LRRFIP1: variants seen among roughly 807,000 people sequenced by gnomAD.
LRRFIP1 encodes the protein LRR binding FLII interacting protein 1, also known as leucine-rich repeat flightless-interacting protein 1.
LRRFIP1 carries 62 observed loss-of-function variants against 104.4 expected under a neutral mutation model. That is an observed-to-expected ratio of 0.59 (90% CI 0.48 to 0.73). The LOEUF (loss-of-function observed/expected upper bound fraction) is 0.73. LRRFIP1 is among the 30% of genes least tolerant of loss of function. LRRFIP1 has a pLI of 0.00. For synonymous variants in LRRFIP1, 300 were observed against 299.0 expected, an observed-to-expected ratio of 1.00 and a Z score of -0.03; for missense variants, 796 against 824.5, an observed-to-expected ratio of 0.97 and a Z score of 0.42.
intron 8 of LRRFIP1, among the ~76,000 whole-genome samples, chr2:237,728,670 T>G (rs1285177785): frequency 6.6e-6 from 1 of 152,158 alleles, no homozygotes; most frequent in Non-Finnish European, 1.5e-5. Context: ...AAATTTCCTG[T>G]TCTCATGCTT....
intron 1 of LRRFIP1, among the ~76,000 whole-genome samples, chr2:237,658,553 G>A (rs1026290522): frequency 6.6e-6 from 1 of 152,160 alleles, no homozygotes; most frequent in Non-Finnish European, 1.5e-5. Context: ...CCCAAGACTG[G>A]GTAATTTATA....
In LRRFIP1 at chr2:237,748,106, C is replaced by T. The variant is rs573502632; in HGVS notation, c.634-258C>T. ...TAGTTCCACAGCCCGCTGTGGGTCC[C>T]ACTGAGACTCCTACCTGAGGACAGG... On this transcript the variant is annotated intron_variant, in intron 11 of 23. Transcript: ENST00000308482. 3.3e-5 allele frequency among the ~76,000 whole-genome samples: 5 copies of T among 152,300 alleles called. No homozygotes were observed. The South Asian group carries it at 1.0e-3, about 32-fold the overall frequency.
At chr2:237,769,029 G>T (rs1361098856) in intron 19 of LRRFIP1, 4 of 152,240 alleles carry the variant, frequency 2.6e-5, no homozygotes, top group African/African-American at 7.2e-5. Context: ...CTTGCTTAGT[G>T]GTTCTGGGCC....
At chr2:237,690,778 C>T (rs2092705974) in intron 1 of LRRFIP1, among the ~76,000 whole-genome samples, 1 of 151,556 alleles carries the variant, frequency 6.6e-6, no homozygotes, top group African/African-American at 2.4e-5. Context: ...GTTATAACAA[C>T]ATTTAAATAA....
rs1231347782 is a variant in LRRFIP1 at position 237,685,104 on chromosome 2, ACCCTCC to A, written c.97-23436_97-23431del. Among the ~76,000 whole-genome samples, 68 of 17,412 alleles carry A rather than the reference ACCCTCC, an allele frequency of 3.9e-3. 2 individuals carry two copies. The highest frequency in any genetic ancestry group is 0.012 in the African/African-American group (65 of 5,206). The allele number at this position is 17,412 out of a possible 152,430, so 11.4% of individuals were successfully genotyped here. A position where few individuals can be genotyped will look rare whatever the true frequency, so the allele number is the denominator to read the frequency against. On this transcript the variant is annotated intron_variant, in intron 1 of 23. Coordinates refer to ENST00000308482, the MANE Select transcript of LRRFIP1 (RefSeq NM_001137550.2). ...CAACAGTGTGAGACCTTGTCTCCCT[ACCCTCC>A]CCCCCCCACACAAAAAAACCCCAAA...
At chr2:237,709,528 G>A (rs969345774) in intron 2 of LRRFIP1, among the ~76,000 whole-genome samples, 1 of 152,232 alleles carries the variant, frequency 6.6e-6, no homozygotes, top group Non-Finnish European at 1.5e-5. Context: ...GCGAGCCAGT[G>A]TTTAAAACCA....
intron 1 of LRRFIP1, among the ~76,000 whole-genome samples, chr2:237,653,095 C>T (rs1397015178): frequency 6.6e-6 from 1 of 152,150 alleles, no homozygotes; most frequent in Non-Finnish European, 1.5e-5. Flanking sequence ...TGTAAGTTTC[C>T]TGAGACCTCC....
intron 19 of LRRFIP1, among the ~76,000 whole-genome samples, 171 bp downstream of exon 19, chr2:237,760,376 C>T (rs1434586425): frequency 6.6e-6 from 1 of 152,214 alleles, no homozygotes; most frequent in African/African-American, 2.4e-5. Flanking sequence ...TGGTCACCCA[C>T]GTGTTGTCTG....
intron 1 of LRRFIP1, among the ~76,000 whole-genome samples, chr2:237,655,782 T>A (rs923751600): frequency 1.3e-5 from 2 of 152,176 alleles, no homozygotes; most frequent in African/African-American, 2.4e-5. Flanking sequence ...CCCAACCACA[T>A]GAACAAAAAG....
intron 1 of LRRFIP1, among the ~76,000 whole-genome samples, chr2:237,700,215 A>G (rs1011701593): frequency 6.6e-6 from 1 of 152,134 alleles, no homozygotes; most frequent in Non-Finnish European, 1.5e-5. Context: ...GCTACTTCCT[A>G]TAGCAAAGTG....
chr2:237,760,377 G>A (rs138076056), intron 19 of LRRFIP1, among the ~76,000 whole-genome samples, 172 bp downstream of exon 19: 22 of 152,326 alleles, frequency 1.4e-4, no homozygotes, highest in South Asian at 4.1e-4. Context: ...GGTCACCCAC[G>A]TGTTGTCTGG....
intron 7 of LRRFIP1, among the ~76,000 whole-genome samples, chr2:237,726,687 T>C (rs2094765486): frequency 6.6e-6 from 1 of 152,266 alleles, no homozygotes; most frequent in Non-Finnish European, 1.5e-5. Context: ...GCCCAGGACC[T>C]GATGGCGTCT....
At chr2:237,669,849 G>A (rs1318019132) in intron 1 of LRRFIP1, among the ~76,000 whole-genome samples, 4 of 152,162 alleles carry the variant, frequency 2.6e-5, no homozygotes, top group Non-Finnish European at 5.9e-5. Context: ...AAGCCTGACC[G>A]GTCTCCATTT....
At chr2:237,753,982 C>T (rs2058970764) in intron 15 of LRRFIP1, among the ~76,000 whole-genome samples, 1 of 152,100 alleles carries the variant, frequency 6.6e-6, no homozygotes, top group Non-Finnish European at 1.5e-5. Context: ...AAGTACCATA[C>T]TCTTTGCCAA....
At chr2:237,629,467 C>CTTTT (rs745503726) in intron 1 of LRRFIP1, among the ~76,000 whole-genome samples, 7 of 117,370 alleles carry the variant, frequency 6.0e-5, no homozygotes, top group South Asian at 3.0e-4. Flanking sequence ...TTTCTTTCTT[C>CTTTT]TTTTTTTTTT....
intron 1 of LRRFIP1, chr2:237,692,270 G>C: frequency 3.4e-6 from 4 of 1,164,312 alleles, no homozygotes; most frequent in Non-Finnish European, 4.2e-6. Flanking sequence ...GGCCGCGCCC[G>C]AGCCCAGCGC....
chr2:237,720,612 A>G (rs2094503482), intron 5 of LRRFIP1, among the ~76,000 whole-genome samples, 160 bp from the exon 6 acceptor site: 1 of 152,220 alleles, frequency 6.6e-6, no homozygotes, highest in Admixed American at 6.5e-5. Context: ...CATGCTGTGG[A>G]GGACCTAGAC....
chr2:237,740,898 CTCCA>C (rs2150469871), intron 11 of LRRFIP1, among the ~76,000 whole-genome samples: 1 of 152,320 alleles, frequency 6.6e-6, no homozygotes, highest in East Asian at 1.9e-4. Flanking sequence ...TGTTTATCTC[CTCCA>C]TCCAGCCATG....
intron 1 of LRRFIP1, among the ~76,000 whole-genome samples, chr2:237,632,249 C>A (rs72482136): frequency 0.22 from 32,595 of 145,568 alleles, 4,289 homozygotes; most frequent in East Asian, 0.41. Flanking sequence ...TTGCATTGCC[C>A]CCAAGGCAGC....
Sources: allele counts gnomAD v4.1 joint callset (sites outside exome capture counted in the v4.1 genomes callset), GRCh38; gene constraint gnomAD v4.1.1; transcripts MANE v1.5; gene names NCBI Gene and HGNC (gene_info 2026-07-23, HGNC 2026-07-21).